Variants in TEAD1 observed in about 807,000 individuals in gnomAD.
TEAD1 encodes the protein TEA domain transcription factor 1, also known as transcriptional enhancer factor TEF-1.
TEAD1 carries 9 observed loss-of-function variants against 54.9 expected under a neutral mutation model. The ratio of observed to expected loss-of-function variants is 0.16; its 90% CI spans 0.10 to 0.29. The LOEUF (loss-of-function observed/expected upper bound fraction) is 0.29. Among genes scored for constraint, TEAD1 ranks in the 10% least tolerant of loss-of-function variants. The pLI, the probability that TEAD1 is intolerant of heterozygous loss-of-function variation, is 1.00. For synonymous variants in TEAD1, 200 were observed against 187.8 expected, an observed-to-expected ratio of 1.07 and a Z score of -0.53; for missense variants, 387 against 535.9, an observed-to-expected ratio of 0.72 and a Z score of 2.74.
At chr11:12,784,092 AG>A (rs1214317766) in intron 3 of TEAD1, among the ~76,000 whole-genome samples, 1 of 152,136 alleles carries the variant, frequency 6.6e-6, no homozygotes, top group Non-Finnish European at 1.5e-5. Flanking sequence ...GGGAGTGACA[AG>A]GAGGGGATGG....
intron 9 of TEAD1, among the ~76,000 whole-genome samples, chr11:12,887,084 T>G (rs1009107573): frequency 6.0e-4 from 5 of 8,370 alleles, no homozygotes; most frequent in Non-Finnish European, 1.3e-3. Context: ...TTTTTTTGTT[T>G]TTTTTTTTGT....
intron 3 of TEAD1, among the ~76,000 whole-genome samples, chr11:12,789,578 G>A (rs191718577): frequency 1.3e-3 from 195 of 152,324 alleles, no homozygotes; most frequent in South Asian, 3.9e-3. Flanking sequence ...GAAGGTAGGC[G>A]GTGGGAACCC....
At chr11:12,707,910 A>G (rs1419048168) in intron 2 of TEAD1, among the ~76,000 whole-genome samples, 1 of 152,368 alleles carries the variant, frequency 6.6e-6, no homozygotes, top group East Asian at 1.9e-4. Flanking sequence ...TATTCGGACT[A>G]AAGTATATGA....
rs531414478 is a variant in TEAD1, at chr11:12,916,407, A to G, written c.874-8505A>G. 4.8e-4 allele frequency among the ~76,000 whole-genome samples: 73 copies of G among 152,244 alleles called. 1 individual carries two copies. Among genetic ancestry groups the G allele is most frequent in the African/African-American group, 1.7e-3 (70 of 41,546 alleles). ...TTGATTACAGACTCTTGTCTCGTTG[A>G]GGAAAGGTGTCAGTGTCTCTAGATG... On this transcript the variant is annotated intron_variant, in intron 10 of 12. Coordinates refer to ENST00000527636, the MANE Select transcript of TEAD1 (RefSeq NM_021961.6).
intron 2 of TEAD1, among the ~76,000 whole-genome samples, chr11:12,686,370 C>T (rs1428918904): frequency 6.6e-6 from 1 of 152,136 alleles, no homozygotes; most frequent in Non-Finnish European, 1.5e-5. Flanking sequence ...AGGGGAATTT[C>T]AGGAAACAAC....
At chr11:12,861,446 G>C (rs962858353) in intron 3 of TEAD1, among the ~76,000 whole-genome samples, 2 of 152,116 alleles carry the variant, frequency 1.3e-5, no homozygotes, top group Admixed American at 1.3e-4. Flanking sequence ...TTAGCTTCTT[G>C]TCATTGTCCG....
chr11:12,874,008 C>T (rs1304495692), intron 5 of TEAD1, among the ~76,000 whole-genome samples: 4 of 152,100 alleles, frequency 2.6e-5, no homozygotes, highest in African/African-American at 4.8e-5. Flanking sequence ...AATCCATGGT[C>T]GTTTTTTTGA....
At chr11:12,701,872 C>A (rs892025391) in intron 2 of TEAD1, among the ~76,000 whole-genome samples, 37 of 152,086 alleles carry the variant, frequency 2.4e-4, no homozygotes, top group African/African-American at 8.2e-4. Flanking sequence ...CTACACTGGG[C>A]ATAAAAAAGA....
chr11:12,843,811 G>C (rs569747988), intron 3 of TEAD1, among the ~76,000 whole-genome samples: 40 of 152,232 alleles, frequency 2.6e-4, no homozygotes, highest in South Asian at 6.2e-4. Context: ...CTGAAAACTT[G>C]TTCTTTTTAA....
At position 12,821,942 on chromosome 11, in the gene TEAD1, C is replaced by G. The variant is rs1169082866; in HGVS notation, c.203-40308C>G. On this transcript the variant is annotated intron_variant, in intron 3 of 12. Coordinates refer to ENST00000527636, the MANE Select transcript of TEAD1 (RefSeq NM_021961.6). ...TCTCTTTCCTCTTTTCCTATACTCT[C>G]TCTCCTTTTTCTCTTTTCCTTTTTT... Among the ~76,000 whole-genome samples the G allele has an allele frequency of 2.3e-5, 3 of 132,386 alleles. No individual in the cohort carries two copies. The East Asian group carries it at 7.0e-4, about 31-fold the overall frequency. The allele number at this position is 132,386 out of a possible 152,430, so 86.9% of individuals were successfully genotyped here.
intron 3 of TEAD1, among the ~76,000 whole-genome samples, chr11:12,841,710 T>TA (rs1947044834): frequency 6.6e-6 from 1 of 152,194 alleles, no homozygotes; most frequent in African/African-American, 2.4e-5. Context: ...CGAAGCACAC[T>TA]AGTGCTTTCT....
At chr11:12,801,362 A>T (rs959851249) in intron 3 of TEAD1, among the ~76,000 whole-genome samples, 1 of 152,186 alleles carries the variant, frequency 6.6e-6, no homozygotes, top group East Asian at 1.9e-4. Context: ...TTCTCTCTTC[A>T]TGAGCTTGGC....
chr11:12,888,968 CAT>C (rs1948144614), intron 9 of TEAD1, among the ~76,000 whole-genome samples: 1 of 152,086 alleles, frequency 6.6e-6, no homozygotes, highest in African/African-American at 2.4e-5. Flanking sequence ...GGCTCTGTGT[CAT>C]GTGTAAACCA....
intron 9 of TEAD1, among the ~76,000 whole-genome samples, chr11:12,890,910 A>C (rs763558796): frequency 2.0e-5 from 3 of 152,026 alleles, no homozygotes; most frequent in Non-Finnish European, 4.4e-5. Context: ...GATTACAGGC[A>C]TGTACCATCA....
intron 12 of TEAD1, among the ~76,000 whole-genome samples, chr11:12,934,854 G>C (rs1949071790): frequency 6.6e-6 from 1 of 152,104 alleles, no homozygotes. Flanking sequence ...CCTTCAGGAT[G>C]AAAGAGGCAG....
chr11:12,844,016 T>C (rs1326279842), intron 3 of TEAD1, among the ~76,000 whole-genome samples: 5 of 152,240 alleles, frequency 3.3e-5, no homozygotes, highest in African/African-American at 1.2e-4. Flanking sequence ...AGTCCTCTTA[T>C]AGCTAAATTA....
intron 2 of TEAD1, among the ~76,000 whole-genome samples, chr11:12,684,017 G>C (rs1270219331): frequency 6.6e-6 from 1 of 152,160 alleles, no homozygotes; most frequent in Non-Finnish European, 1.5e-5. Flanking sequence ...AACTTCAAAT[G>C]TCATGTTGCA....
At chr11:12,880,851 C>T (rs186396739) in intron 6 of TEAD1, among the ~76,000 whole-genome samples, 154 bp from the exon 7 acceptor site, 3 of 152,308 alleles carry the variant, frequency 2.0e-5, no homozygotes, top group Admixed American at 1.3e-4. Context: ...GTTGTGGTCT[C>T]GTGCAAGTGG....
chr11:12,764,173 T>G lies in TEAD1; in HGVS notation c.-54-6T>G. 1 of 1,574,206 alleles carries G rather than the reference T, an allele frequency of 6.4e-7. No homozygotes were observed. Among genetic ancestry groups the G allele is most frequent in the African/African-American group, 1.4e-5 (1 of 73,688 alleles). On this transcript the variant is annotated splice_region_variant and splice_polypyrimidine_tract_variant and intron_variant, in intron 2 of 12. Coordinates refer to ENST00000527636, the MANE Select transcript of TEAD1 (RefSeq NM_021961.6). The stretch of plus-strand genomic sequence containing the variant: ...TCCTTATACTGTTTTTGGTTTTCTC[T>G]TCTAGGTTTATTTTCTTGAAAAGGC...
Sources: allele counts gnomAD v4.1 joint callset (sites outside exome capture counted in the v4.1 genomes callset), GRCh38; gene constraint gnomAD v4.1.1; transcripts MANE v1.5; gene names NCBI Gene and HGNC (gene_info 2026-07-23, HGNC 2026-07-21).